DPP6: variants seen among roughly 807,000 people sequenced by gnomAD.
DPP6 encodes the protein dipeptidyl peptidase like 6.
In DPP6, 69 loss-of-function variants were observed where a neutral mutation model predicts 122.6. That is an observed-to-expected ratio of 0.56 (90% CI 0.46 to 0.69). The LOEUF is 0.69. Among genes scored for constraint, DPP6 ranks in the 30% least tolerant of loss-of-function variants. The pLI, the probability that DPP6 is intolerant of heterozygous loss-of-function variation, is 0.00. For missense variants in DPP6, 928 were observed against 1,116.9 expected (o/e 0.83, Z 2.41); for synonymous variants, 418 against 433.1 (o/e 0.97, Z 0.43).
intron 1 of DPP6, among the ~76,000 whole-genome samples, chr7:154,256,035 T>C (rs1802638655): frequency 6.6e-6 from 1 of 152,174 alleles, no homozygotes; most frequent in Non-Finnish European, 1.5e-5. Context: ...TTATAACCTA[T>C]AGCATTATTT....
chr7:154,241,011 A>T lies in DPP6; in HGVS notation c.243+187948A>T, dbSNP rs976197131. On this transcript the variant is annotated intron_variant, in intron 1 of 25. Coordinates refer to ENST00000377770, the MANE Select transcript of DPP6 (RefSeq NM_130797.4). This position sits in a 1 kb window ranked among gnomAD's most constrained non-coding sequence, Gnocchi z 9.0. ...GATTTAAGGAATTCAACCTAAGAAT[A>T]GTAGGCCAGCTCATTCTCAGTCATT... Among the ~76,000 whole-genome samples, 3 of 152,210 alleles carry T rather than the reference A, an allele frequency of 2.0e-5. No homozygotes were observed. The East Asian group carries it at 5.8e-4, about 29-fold the overall frequency.
chr7:154,754,161 C>G (rs918855807), intron 8 of DPP6, among the ~76,000 whole-genome samples: 4 of 152,130 alleles, frequency 2.6e-5, no homozygotes, highest in Non-Finnish European at 5.9e-5. Flanking sequence ...ATTAAGGTGA[C>G]AATTGCTCAG....
the DPP6 span, among the ~76,000 whole-genome samples, chr7:153,823,678 C>T: frequency 4.0e-5 from 6 of 151,464 alleles, no homozygotes; most frequent in East Asian, 3.9e-4. Context: ...GAGGGGTTGT[C>T]TGGGAGAGCT....
At chr7:154,281,157 C>G (rs960718409) in intron 1 of DPP6, among the ~76,000 whole-genome samples, 1 of 152,004 alleles carries the variant, frequency 6.6e-6, no homozygotes, top group Non-Finnish European at 1.5e-5. Flanking sequence ...GGATTACAGG[C>G]GTGCACCACC....
intron 1 of DPP6, among the ~76,000 whole-genome samples, chr7:154,032,882 G>A (rs1366197073): frequency 8.3e-6 from 1 of 119,882 alleles, no homozygotes. Context: ...CCCTTGTTGT[G>A]TGGGGCAATT....
chr7:154,172,288 T>C (rs866615114), intron 1 of DPP6, among the ~76,000 whole-genome samples: 8 of 152,152 alleles, frequency 5.3e-5, no homozygotes, highest in Middle Eastern at 3.4e-3. Flanking sequence ...ACAAATACAT[T>C]AACAAGAAAA....
At chr7:153,913,818 A>AG (rs1320191758) in intron 1 of DPP6, among the ~76,000 whole-genome samples, 1 of 152,122 alleles carries the variant, frequency 6.6e-6, no homozygotes, top group Admixed American at 6.6e-5. Context: ...CATCTGAGTA[A>AG]GGGGGGGAAG....
At chr7:154,334,524 C>T (rs1439675094) in intron 1 of DPP6, among the ~76,000 whole-genome samples, 2 of 152,160 alleles carry the variant, frequency 1.3e-5, no homozygotes, top group Non-Finnish European at 2.9e-5. Context: ...TTCACCATAC[C>T]ATGTCTGGAG....
In DPP6 at chr7:154,016,535, G is replaced by A. The variant is rs147070638; in HGVS notation, c.51+128801G>A. ...CCCAGCACTTTGTGAGGCTGAGGTG[G>A]GAGGATTGCTTGAGCCCAGGAATTC... On this transcript the variant is annotated intron_variant, in intron 1 of 25. Transcript: ENST00000404039. Among the ~76,000 whole-genome samples the A allele has an allele frequency of 7.4e-3, 1,133 of 152,108 alleles. 11 individuals are homozygous for A. The highest frequency in any genetic ancestry group is 0.026 in the African/African-American group (1,060 of 41,466).
intron 7 of DPP6, among the ~76,000 whole-genome samples, chr7:154,718,375 A>G (rs1841609065): frequency 6.6e-6 from 1 of 152,122 alleles, no homozygotes; most frequent in African/African-American, 2.4e-5. Flanking sequence ...GTTGTTTTAT[A>G]ACTTTGGGTC....
intron 5 of DPP6, among the ~76,000 whole-genome samples, chr7:154,585,494 CTG>C (rs1832378863): frequency 6.6e-6 from 1 of 152,220 alleles, no homozygotes; most frequent in Admixed American, 6.5e-5. Flanking sequence ...CCTGAAGCCT[CTG>C]AGCACTGCGG....
intron 1 of DPP6, among the ~76,000 whole-genome samples, chr7:154,257,541 C>T (rs1251531093): frequency 2.6e-5 from 4 of 151,820 alleles, no homozygotes; most frequent in African/African-American, 9.7e-5. Flanking sequence ...CTAAAAAATA[C>T]AAAAAAATTA....
intron 1 of DPP6, among the ~76,000 whole-genome samples, chr7:154,366,755 TA>T (rs529081316): frequency 2.0e-5 from 3 of 151,978 alleles, no homozygotes; most frequent in Admixed American, 6.6e-5. Context: ...TTAAATGGGA[TA>T]AAAAAAATCA....
At chr7:154,447,033 T>C (rs984279585) in intron 2 of DPP6, among the ~76,000 whole-genome samples, 1 of 152,158 alleles carries the variant, frequency 6.6e-6, no homozygotes, top group African/African-American at 2.4e-5. Flanking sequence ...GAGCTGGACA[T>C]GGTGGCTTAT....
intron 1 of DPP6, among the ~76,000 whole-genome samples, chr7:154,104,203 A>G (rs1367588287): frequency 6.6e-6 from 1 of 152,174 alleles, no homozygotes; most frequent in Non-Finnish European, 1.5e-5. Context: ...CTCCATGTGG[A>G]GATGCGTCAC....
chr7:154,445,172 G>A (rs183711629), intron 1 of DPP6, among the ~76,000 whole-genome samples: 5 of 152,228 alleles, frequency 3.3e-5, no homozygotes, highest in East Asian at 1.9e-4. Flanking sequence ...TTTTAAGGCC[G>A]TCTTCATTCT....
intron 1 of DPP6, among the ~76,000 whole-genome samples, chr7:154,347,040 A>T (rs1274662905): frequency 2.0e-5 from 3 of 152,210 alleles, no homozygotes; most frequent in Non-Finnish European, 4.4e-5. Flanking sequence ...ATGTATGTGC[A>T]TGCACGTACA....
At chr7:154,795,164 C>A (rs1335064645) in intron 11 of DPP6, among the ~76,000 whole-genome samples, 1 of 152,170 alleles carries the variant, frequency 6.6e-6, no homozygotes, top group Non-Finnish European at 1.5e-5. Flanking sequence ...CTTCTCCATG[C>A]CCCTGAGCCT....
At chr7:154,511,110 C>A (rs1340349237) in intron 3 of DPP6, among the ~76,000 whole-genome samples, 1 of 152,102 alleles carries the variant, frequency 6.6e-6, no homozygotes, top group African/African-American at 2.4e-5. Context: ...ATATCACTTT[C>A]TTAGGAAGGG....
Sources: allele counts gnomAD v4.1 joint callset (sites outside exome capture counted in the v4.1 genomes callset), GRCh38; gene constraint gnomAD v4.1.1; non-coding constraint Gnocchi (gnomAD v3.1); transcripts MANE v1.5; gene names NCBI Gene and HGNC (gene_info 2026-07-23, HGNC 2026-07-21).